Variants in HELZ observed in about 807,000 individuals in gnomAD.
HELZ encodes the protein ATP-dependent RNA helicase with zinc finger domain.
In HELZ, 23 loss-of-function variants were observed where a neutral mutation model predicts 218.2. The observed-to-expected ratio is 0.11, with a 90% confidence interval of 0.08 to 0.15. HELZ has a LOEUF of 0.15. HELZ is among the 10% of genes least tolerant of loss of function. The pLI is 1.00. For synonymous variants in HELZ, 814 were observed against 829.4 expected, an observed-to-expected ratio of 0.98 and a Z score of 0.32; for missense variants, 1,813 against 2,353.7, an observed-to-expected ratio of 0.77 and a Z score of 4.75.
chr17:67,086,615 A>AATAAATATAAATATAAAT (rs937505131), intron 32 of HELZ, among the ~76,000 whole-genome samples: 87 of 100,176 alleles, frequency 8.7e-4, no homozygotes, highest in African/African-American at 3.6e-3. Context: ...TATATATATA[A>AATAAATATAAATATAAAT]ATAAATATAA....
At chr17:67,112,871 T>C (rs9332408) in intron 28 of HELZ, among the ~76,000 whole-genome samples, 74,571 of 151,860 alleles carry the variant, frequency 0.49, 19,162 homozygotes, top group East Asian at 0.88. Context: ...GTTAGAGAGA[T>C]TGTGAAAAGT....
intron 26 of HELZ, among the ~76,000 whole-genome samples, chr17:67,120,939 T>A (rs1461276377): frequency 6.6e-6 from 1 of 152,238 alleles, no homozygotes; most frequent in African/African-American, 2.4e-5. Context: ...TTCCCCTCCA[T>A]ATGAATGTAT....
Position 67,203,314 on chromosome 17 carries a change from C to G in HELZ, c.372+5G>C. 1 of 1,613,380 alleles carries G rather than the reference C, an allele frequency of 6.2e-7. No individual in the cohort carries two copies. Among genetic ancestry groups the G allele is most frequent in the Non-Finnish European group, 8.5e-7 (1 of 1,179,680 alleles). On this transcript the variant is annotated splice_donor_5th_base_variant and intron_variant, in intron 6 of 32. Coordinates refer to ENST00000358691, the MANE Select transcript of HELZ (RefSeq NM_014877.4). ...GGCATACAAAATTAGAGCTTATCAA[C>G]ATACCAGGGACTCTCCTGTGAGTGA...
rs116936552 is a variant in HELZ, at chr17:67,164,470, T to G, written c.1895+2008A>C. ...AAGGCTGCAGGAAGGGGGAAATGAGTTGTCCGATGGGTGTATAGTATCAGT... is the reference window on the plus strand; with the variant it reads ...AAGGCTGCAGGAAGGGGGAAATGAGGTGTCCGATGGGTGTATAGTATCAGT... On this transcript the variant is annotated intron_variant, in intron 15 of 32. Coordinates refer to ENST00000358691, the MANE Select transcript of HELZ (RefSeq NM_014877.4). Among the ~76,000 whole-genome samples, 7 of 152,000 alleles carry G rather than the reference T, an allele frequency of 4.6e-5. No individual in the cohort carries two copies. The East Asian group carries it at 1.2e-3, about 25-fold the overall frequency.
At chr17:67,172,188 T>A (rs1598365707) in intron 13 of HELZ, among the ~76,000 whole-genome samples, 1 of 152,180 alleles carries the variant, frequency 6.6e-6, no homozygotes, top group Admixed American at 6.5e-5. Flanking sequence ...TCAACTTACA[T>A]TCCATCTGCT....
intron 17 of HELZ, among the ~76,000 whole-genome samples, chr17:67,152,318 G>A (rs1046586178): frequency 3.9e-5 from 6 of 152,124 alleles, no homozygotes; most frequent in African/African-American, 1.2e-4. Flanking sequence ...AACACTGAGC[G>A]GCACGGAGGA....
intron 17 of HELZ, 38 bp downstream of exon 17, chr17:67,160,223 G>T: frequency 1.7e-6 from 2 of 1,188,136 alleles, no homozygotes; most frequent in Non-Finnish European, 2.5e-6. Context: ...GAATAATAAA[G>T]TATGATACAG....
intron 5 of HELZ, among the ~76,000 whole-genome samples, chr17:67,209,004 AAAGG>A (rs145781100): frequency 0.39 from 50,094 of 129,678 alleles, 10,901 homozygotes; most frequent in Non-Finnish European, 0.49. Flanking sequence ...AGGAAGGCAA[AAAGG>A]AAGGAAGGAA....
intron 32 of HELZ, among the ~76,000 whole-genome samples, chr17:67,081,417 A>G (rs2036185646): frequency 6.6e-6 from 1 of 152,192 alleles, no homozygotes; most frequent in Non-Finnish European, 1.5e-5. Flanking sequence ...ATTAGACAAC[A>G]GAGGGCAATA....
At chr17:67,130,583 AATG>A (rs1459618274) in intron 23 of HELZ, among the ~76,000 whole-genome samples, 2 of 152,184 alleles carry the variant, frequency 1.3e-5, no homozygotes, top group Non-Finnish European at 2.9e-5. Flanking sequence ...TAAGAACACC[AATG>A]AAGGAATTGT....
chr17:67,137,104 A>G (rs2038177631), intron 22 of HELZ, among the ~76,000 whole-genome samples: 1 of 152,208 alleles, frequency 6.6e-6, no homozygotes, highest in Non-Finnish European at 1.5e-5. Flanking sequence ...CTGATTTCAT[A>G]AAGAAGTCTA....
chr17:67,150,077 G>T (rs1598325155), intron 18 of HELZ, 92 bp from the exon 19 acceptor site: 8 of 500,934 alleles, frequency 1.6e-5, no homozygotes, highest in Middle Eastern at 3.3e-4. Flanking sequence ...TAAGTAAAGA[G>T]TTTAGTTTGC....
Position 67,107,690 on chromosome 17 carries a change from A to G in HELZ, c.4725-5T>C. 7 of 1,603,166 alleles carry G rather than the reference A, an allele frequency of 4.4e-6. No individual in the cohort carries two copies. The highest frequency in any genetic ancestry group is 2.2e-5 in the East Asian group (1 of 44,804). ...TCTCTGATTAAGTCTTGAAACCTAC[A>G]TGAAAACAATAAAATATGAGGAGAA... On this transcript the variant is annotated splice_polypyrimidine_tract_variant and splice_region_variant and intron_variant, in intron 30 of 32. Coordinates refer to ENST00000358691, the MANE Select transcript of HELZ (RefSeq NM_014877.4).
intron 3 of HELZ, 106 bp from the exon 4 acceptor site, chr17:67,218,928 C>G: frequency 2.8e-6 from 2 of 726,770 alleles, no homozygotes; most frequent in Non-Finnish European, 4.6e-6. Flanking sequence ...TGAATACTCT[C>G]AGCTAGCCTT....
chr17:67,195,838 C>CTTTTT (rs66827855), intron 7 of HELZ, among the ~76,000 whole-genome samples: 3 of 101,538 alleles, frequency 3.0e-5, no homozygotes, highest in Non-Finnish European at 5.3e-5. Flanking sequence ...GTTTCTTTTC[C>CTTTTT]TTTTTTTTTT....
At chr17:67,106,015 GA>G (rs1423378651) in intron 31 of HELZ, among the ~76,000 whole-genome samples, 9 of 152,152 alleles carry the variant, frequency 5.9e-5, no homozygotes, top group African/African-American at 2.2e-4. Flanking sequence ...ATGGCCTTTA[GA>G]TATCATTCTG....
intron 5 of HELZ, among the ~76,000 whole-genome samples, chr17:67,211,259 C>G (rs1304649054): frequency 6.6e-6 from 1 of 151,688 alleles, no homozygotes; most frequent in Non-Finnish European, 1.5e-5. Context: ...ACTTTGGGGA[C>G]AGAAAAACAG....
chr17:67,141,107 C>T (rs1043356122), intron 21 of HELZ, among the ~76,000 whole-genome samples: 2 of 152,100 alleles, frequency 1.3e-5, no homozygotes, highest in Non-Finnish European at 2.9e-5. Context: ...GCAAGTGATA[C>T]CGGACAATAA....
In HELZ at chr17:67,149,872, T is replaced by G. The variant is rs2038620085; in HGVS notation, c.2470A>C (p.Met824Leu). ...GCAACTCAGAGGGCACTTACCTGCA[T>G]GTGATCACCAGCCAAGACAATCCGA... ...NTRIVLAGDH[M>L]QLSPFVYSEF... is the part of the protein sequence containing the mutation. Residue 824 changes from methionine to leucine, a missense_variant, in exon 19 of 33, where the codon ATG becomes CTG. Physicochemically the swap from Met to Leu is conservative, Grantham distance 15. Around this residue, in one of 4 missense-constraint regions of HELZ, gnomAD observed 714 missense variants for 1,029.2 expected, o/e 0.69. Transcript: ENST00000358691. The G allele has an allele frequency of 1.9e-6, 3 of 1,595,626 alleles. No individual in the cohort carries two copies. The highest frequency in any genetic ancestry group is 1.1e-5 in the South Asian group (1 of 89,050).
Sources: gnomAD v4.1 joint callset for allele counts (sites outside exome capture counted in the v4.1 genomes callset) on GRCh38, gnomAD v4.1.1 for gene constraint, gnomAD v4.1.1 regional missense constraint, MANE v1.5 for transcripts, NCBI Gene and HGNC (gene_info 2026-07-23, HGNC 2026-07-21) for gene names.